CBR3: variants seen among roughly 807,000 people sequenced by gnomAD.
CBR3 encodes the protein carbonyl reductase 3, also known as carbonyl reductase [NADPH] 3.
Under a neutral mutation model 11.6 loss-of-function variants are expected in CBR3, and 14 were observed. That is an observed-to-expected ratio of 1.20 (90% CI 0.79 to 1.88). The LOEUF is 1.88. Ranked by LOEUF, CBR3 falls within the 40% of genes most tolerant of loss-of-function variation. CBR3 has a pLI of 0.00. For synonymous variants in CBR3, 125 were observed against 145.6 expected (o/e 0.86, Z 1.02); for missense variants, 308 against 357.3 (o/e 0.86, Z 1.11).
intron 2 of CBR3, among the ~76,000 whole-genome samples, chr21:36,144,134 T>C (rs1278929904): frequency 6.6e-6 from 1 of 151,992 alleles, no homozygotes; most frequent in African/African-American, 2.4e-5. Context: ...ACTTGGAGTG[T>C]GTATGCTGGG....
intron 2 of CBR3, among the ~76,000 whole-genome samples, chr21:36,139,340 T>C (rs1424815047): frequency 6.6e-6 from 1 of 151,944 alleles, no homozygotes; most frequent in Non-Finnish European, 1.5e-5. Context: ...TAACTGTGGA[T>C]TCTTAGAACT....
intron 2 of CBR3, among the ~76,000 whole-genome samples, chr21:36,144,258 C>A (rs1333476476): frequency 6.6e-6 from 1 of 151,792 alleles, no homozygotes; most frequent in Non-Finnish European, 1.5e-5. Flanking sequence ...GGAGTTCAAG[C>A]CCAGTATGGC....
chr21:36,137,784 A>G lies in CBR3; in HGVS notation c.290-41A>G, dbSNP rs73902170. On this transcript the variant is annotated intron_variant, in intron 1 of 2. Coordinates refer to ENST00000290354, the MANE Select transcript of CBR3 (RefSeq NM_001236.4). ...ACTTTGTCATGTGAGTTTCAGGGGG[A>G]AAAATATGACTTTCTTTTTGTTTCT... 8.1e-4 allele frequency: 961 copies of G among 1,190,832 alleles called. 6 individuals are homozygous for G. In the African/African-American group the frequency reaches 0.013, roughly 16 times the overall value. The allele number at this position is 1,190,832 out of a possible 1,614,324, so 73.8% of individuals were successfully genotyped here.
intron 2 of CBR3, among the ~76,000 whole-genome samples, chr21:36,143,879 C>CAAAA (rs35169663): frequency 1.1e-5 from 1 of 91,966 alleles, no homozygotes. Flanking sequence ...GATTCTGTCT[C>CAAAA]AAAAAAAAAA....
At chr21:36,141,413 A>C (rs757342135) in intron 2 of CBR3, 4 of 152,166 alleles carry the variant, frequency 2.6e-5, no homozygotes, top group African/African-American at 9.7e-5. Flanking sequence ...AATGTTGAGT[A>C]TCTTATGTAA....
At chr21:36,137,724 CTTGT>C (rs571414772) in intron 1 of CBR3, 97 bp from the exon 2 acceptor site, 1 of 697,632 alleles carries the variant, frequency 1.4e-6, no homozygotes, top group Non-Finnish European at 2.5e-6. Context: ...TTAAAATTAA[CTTGT>C]TTTTCCTTTA....
chr21:36,137,500 AAGAAAGGAAGG>A (rs1371060948), intron 1 of CBR3: 90 of 169,302 alleles, frequency 5.3e-4, no homozygotes, highest in Middle Eastern at 2.3e-3. Context: ...AAAGAAAAGA[AAGAAAGGAAGG>A]AAGGAAGGAA....
In CBR3 at chr21:36,146,126, T is replaced by C. The variant is rs747510283; in HGVS notation, c.448T>C (p.Cys150Arg). 71 of 1,613,948 alleles carry C rather than the reference T, an allele frequency of 4.4e-5. No homozygotes were observed. Among genetic ancestry groups the C allele is most frequent in the Non-Finnish European group, 5.7e-5 (67 of 1,179,956 alleles). ...GCAGTGTTTAAGGGCTTTTGAAAAC[T>C]GCAGTGAAGATCTGCAGGAAAGGTT... ...SLQCLRAFEN[C>R]SEDLQERFHS... Residue 150 changes from cysteine (C) to arginine (R), a missense_variant, in exon 3 of 3, where the codon TGC (cysteine) becomes CGC (arginine). Physicochemically the swap from Cys to Arg is radical, Grantham distance 180. Transcript: ENST00000290354.
intron 1 of CBR3, chr21:36,137,503 AAAGGAAGGAAGGAAGGAAGGAAGGAAGG>A (rs58466732): frequency 0.35 from 66,027 of 188,986 alleles, 11,880 homozygotes; most frequent in South Asian, 0.47. Flanking sequence ...GAAAAGAAAG[AAAGGAAGGAAGGAAGGAAGGAAGGAAGG>A]AAGGAAGGAA....
intron 2 of CBR3, among the ~76,000 whole-genome samples, chr21:36,139,543 G>A (rs932188961): frequency 7.9e-5 from 12 of 151,806 alleles, no homozygotes; most frequent in Non-Finnish European, 1.3e-4. Context: ...CGCTACGCCC[G>A]GCTAATTTTT....
At chr21:36,136,694 A>G (rs2065662528) in intron 1 of CBR3, among the ~76,000 whole-genome samples, 1 of 152,146 alleles carries the variant, frequency 6.6e-6, no homozygotes, top group Non-Finnish European at 1.5e-5. Flanking sequence ...GCTCATGGCA[A>G]GGCAGAATCT....
At chr21:36,136,635 T>G (rs2065662079) in intron 1 of CBR3, among the ~76,000 whole-genome samples, 1 of 152,030 alleles carries the variant, frequency 6.6e-6, no homozygotes. Flanking sequence ...GACTTCCCCT[T>G]GCCTTTCAAG....
intron 2 of CBR3, among the ~76,000 whole-genome samples, chr21:36,144,487 T>C (rs867008208): frequency 1.4e-5 from 2 of 145,782 alleles, no homozygotes; most frequent in South Asian, 2.2e-4. Flanking sequence ...TTAGGCCGGG[T>C]GTAGTGGCTC....
At chr21:36,145,688 G>A (rs971770051) in intron 2 of CBR3, among the ~76,000 whole-genome samples, 3 of 151,952 alleles carry the variant, frequency 2.0e-5, no homozygotes, top group African/African-American at 7.3e-5. Flanking sequence ...GGCCAGGTGC[G>A]GTGGCTCACA....
At chr21:36,135,563 A>G in intron 1 of CBR3, 82 bp downstream of exon 1, 1 of 1,332,136 alleles carries the variant, frequency 7.5e-7, no homozygotes. Context: ...CCACCCGTCC[A>G]CTTGAGTGAC....
Position 36,135,321 on chromosome 21 carries a change from C to A in CBR3, c.129C>A (p.Gly43=). Residue 43 remains glycine, a synonymous_variant, in exon 1 of 3, where the codon GGC becomes GGA. Coordinates refer to ENST00000290354, the MANE Select transcript of CBR3 (RefSeq NM_001236.4). ...VVLTARDVAR[G]QAAVQQLQAE... Reference sequence around the variant, plus strand: ...TCACCGCGCGGGACGTGGCGCGGGGCCAGGCGGCCGTGCAGCAGCTGCAGG... The same window carrying A: ...TCACCGCGCGGGACGTGGCGCGGGGACAGGCGGCCGTGCAGCAGCTGCAGG... The A allele has an allele frequency of 1.2e-6, 2 of 1,611,108 alleles. No homozygotes were observed. The highest frequency in any genetic ancestry group is 1.7e-6 in the Non-Finnish European group (2 of 1,179,110).
intron 2 of CBR3, chr21:36,141,837 T>C: frequency 1.3e-6 from 1 of 742,136 alleles, no homozygotes; most frequent in African/African-American, 1.9e-5. Context: ...CCTCCTCCCC[T>C]TAAGAGGATT....
chr21:36,141,889 T>G (rs2065712471), intron 2 of CBR3: 1 of 979,728 alleles, frequency 1.0e-6, no homozygotes, highest in Admixed American at 6.2e-5. Context: ...GTGTTTTTCT[T>G]TCTTCCTTTC....
Position 36,142,345 on chromosome 21 carries a change from T to C in CBR3, c.398-3731T>C, listed in dbSNP as rs534910797. Among the ~76,000 whole-genome samples, 41 of 138,628 alleles carry C rather than the reference T, an allele frequency of 3.0e-4. No individual in the cohort carries two copies. In the South Asian group the frequency reaches 5.6e-3, roughly 19 times the overall value. The allele number at this position is 138,628 out of a possible 152,430, so 90.9% of individuals were successfully genotyped here. A position where few individuals can be genotyped will look rare whatever the true frequency, so the allele number is the denominator to read the frequency against. On this transcript the variant is annotated intron_variant, in intron 2 of 2. Coordinates refer to ENST00000290354, the MANE Select transcript of CBR3 (RefSeq NM_001236.4). ...TACTTGGGAGACTGAGGCAGGAGAA[T>C]GGCATGAACCCGGGAGGTGGAGCTT...
Sources: allele counts gnomAD v4.1 joint callset (sites outside exome capture counted in the v4.1 genomes callset), GRCh38; gene constraint gnomAD v4.1.1; transcripts MANE v1.5; gene names NCBI Gene and HGNC (gene_info 2026-07-23, HGNC 2026-07-21).